Variants in SGCZ observed in about 807,000 individuals in gnomAD.
SGCZ encodes zeta-sarcoglycan.
Under a neutral mutation model 41.3 loss-of-function variants are expected in SGCZ, and 40 were observed. The observed-to-expected ratio is 0.97, with a 90% CI of 0.75 to 1.26. The LOEUF (loss-of-function observed/expected upper bound fraction) is 1.26. Ranked by LOEUF, SGCZ falls within the 50% of genes most tolerant of loss-of-function variation. The probability of loss-of-function intolerance (pLI) is 0.00; values close to 1 mark genes in which losing one functional copy is unlikely to be tolerated. For synonymous variants in SGCZ, 206 were observed against 137.5 expected (o/e 1.50, Z -3.49); for missense variants, 552 against 369.8 (o/e 1.49, Z -4.04).
At chr8:14,897,109 C>A (rs1805230460) in intron 1 of SGCZ, among the ~76,000 whole-genome samples, 1 of 152,028 alleles carries the variant, frequency 6.6e-6, no homozygotes, top group Non-Finnish European at 1.5e-5. Flanking sequence ...CCTCCCTAGT[C>A]CTTGCTTTTC....
chr8:14,712,906 T>C (rs1277430197), intron 1 of SGCZ, among the ~76,000 whole-genome samples: 1 of 152,004 alleles, frequency 6.6e-6, no homozygotes, highest in Non-Finnish European at 1.5e-5. Context: ...TGACCTGGTT[T>C]TTAAACAATA....
intron 1 of SGCZ, among the ~76,000 whole-genome samples, chr8:14,914,121 A>G (rs1450147547): frequency 6.6e-6 from 1 of 152,006 alleles, no homozygotes. Flanking sequence ...AAACACTTCT[A>G]AAGGGTAAAA....
intron 1 of SGCZ, among the ~76,000 whole-genome samples, chr8:14,848,993 C>A (rs539406969): frequency 6.6e-6 from 1 of 151,940 alleles, no homozygotes; most frequent in Admixed American, 6.6e-5. Flanking sequence ...AGAAAGCCAA[C>A]AATTTAATTA....
intron 7 of SGCZ, among the ~76,000 whole-genome samples, chr8:14,098,757 C>T (rs1181521742): frequency 6.6e-6 from 1 of 152,046 alleles, no homozygotes; most frequent in East Asian, 1.9e-4. Context: ...GAGAAGAGGG[C>T]TCATGTGGGA....
rs1389947080 is a variant in SGCZ, at chr8:15,027,848, AT to A, written c.39+209736del. ...AATGTAAGATATATTTATAGTGTAT[AT>A]TTATTTAGCTCTTCCTCTGTGTCTG... On this transcript the variant is annotated intron_variant, in intron 1 of 7. Coordinates refer to ENST00000382080, the MANE Select transcript of SGCZ (RefSeq NM_139167.4). Among the ~76,000 whole-genome samples the A allele has an allele frequency of 3.9e-5, 6 of 152,178 alleles. No homozygotes were observed. In the East Asian group the frequency reaches 1.2e-3, roughly 29 times the overall value.
chr8:14,384,477 G>C (rs1336630083), intron 2 of SGCZ, among the ~76,000 whole-genome samples: 3 of 152,150 alleles, frequency 2.0e-5, no homozygotes, highest in Non-Finnish European at 2.9e-5. Context: ...TAGATTGAAA[G>C]ATAATTGGTT....
intron 1 of SGCZ, among the ~76,000 whole-genome samples, chr8:14,649,673 T>C (rs970322038): frequency 1.3e-5 from 2 of 152,078 alleles, no homozygotes; most frequent in Admixed American, 6.6e-5. Flanking sequence ...ACAAGCCTAA[T>C]TGCTAAACAC....
intron 5 of SGCZ, among the ~76,000 whole-genome samples, chr8:14,130,974 G>C (rs1380775978): frequency 1.3e-5 from 2 of 152,126 alleles, no homozygotes; most frequent in Non-Finnish European, 2.9e-5. Flanking sequence ...CCAATCCTTT[G>C]TGCCCTGTGT....
At chr8:15,139,500 G>A (rs767192719) in intron 1 of SGCZ, among the ~76,000 whole-genome samples, 4 of 151,876 alleles carry the variant, frequency 2.6e-5, no homozygotes, top group Non-Finnish European at 5.9e-5. Context: ...TGCATTTTTT[G>A]GAAATAAATA....
intron 3 of SGCZ, among the ~76,000 whole-genome samples, chr8:14,311,488 G>T (rs962998314): frequency 6.6e-6 from 1 of 152,150 alleles, no homozygotes; most frequent in African/African-American, 2.4e-5. Flanking sequence ...ATAAAGCCCA[G>T]AAAATTCACA....
At chr8:14,274,251 A>C (rs1392712198) in intron 3 of SGCZ, among the ~76,000 whole-genome samples, 2 of 152,152 alleles carry the variant, frequency 1.3e-5, no homozygotes, top group Non-Finnish European at 2.9e-5. Context: ...ACTTAACAGA[A>C]GGCATATTCT....
intron 3 of SGCZ, among the ~76,000 whole-genome samples, chr8:14,323,440 T>G (rs1291471815): frequency 6.6e-6 from 1 of 152,038 alleles, no homozygotes; most frequent in Non-Finnish European, 1.5e-5. Flanking sequence ...TCAGGGGGAA[T>G]GTAATAGATA....
intron 1 of SGCZ, among the ~76,000 whole-genome samples, chr8:15,223,900 G>T (rs181271119): frequency 1.4e-5 from 2 of 148,078 alleles, no homozygotes; most frequent in African/African-American, 5.3e-5. Context: ...AGTCTCACTC[G>T]GCAGAGTGCA....
intron 2 of SGCZ, among the ~76,000 whole-genome samples, chr8:14,466,348 G>C (rs1450804253): frequency 6.6e-6 from 1 of 151,928 alleles, no homozygotes; most frequent in Non-Finnish European, 1.5e-5. Context: ...TAATGTTATT[G>C]AGCATCCTTT....
At chr8:14,638,895 T>C (rs76923285) in intron 1 of SGCZ, among the ~76,000 whole-genome samples, 16,328 of 151,830 alleles carry the variant, frequency 0.11, 1,065 homozygotes, top group African/African-American at 0.19. Context: ...ATTCATCAAA[T>C]GCTGGTTCAG....
intron 3 of SGCZ, among the ~76,000 whole-genome samples, chr8:14,317,160 A>G (rs1362672775): frequency 6.6e-6 from 1 of 152,126 alleles, no homozygotes; most frequent in East Asian, 1.9e-4. Flanking sequence ...TAACACATGT[A>G]AAACATTTAG....
intron 2 of SGCZ, among the ~76,000 whole-genome samples, chr8:14,464,693 G>A (rs1265856298): frequency 6.6e-6 from 1 of 150,844 alleles, no homozygotes; most frequent in African/African-American, 2.4e-5. Flanking sequence ...TTTGTTTATT[G>A]ACTTGAAACA....
chr8:14,627,580 C>G (rs953588374), intron 1 of SGCZ, among the ~76,000 whole-genome samples: 3 of 152,042 alleles, frequency 2.0e-5, no homozygotes, highest in African/African-American at 7.2e-5. Context: ...GGTAATAATT[C>G]AAGAAATAAT....
rs17119242 is a variant in SGCZ, at chr8:14,391,589, G to T, written c.235-67385C>A. On this transcript the variant is annotated intron_variant, in intron 2 of 7. Transcript: ENST00000382080. ...AGCCATATTATTGGACAAGGCACCA[G>T]TTAGGAAATCAGCCCAGTATTGCAT... is the stretch of plus-strand genomic sequence containing the variant. 1.5e-3 allele frequency among the ~76,000 whole-genome samples: 226 copies of T among 152,192 alleles called. 6 individuals carry two copies. In the East Asian group the frequency reaches 0.036, roughly 24 times the overall value.
Sources: gnomAD v4.1 joint callset for allele counts (sites outside exome capture counted in the v4.1 genomes callset) on GRCh38, gnomAD v4.1.1 for gene constraint, MANE v1.5 for transcripts, NCBI Gene and HGNC (gene_info 2026-07-23, HGNC 2026-07-21) for gene names.